Variants in TAFA2 observed in about 807,000 individuals in gnomAD.
The protein encoded by TAFA2 is TAFA chemokine like family member 2.
Under a neutral mutation model 18.8 loss-of-function variants are expected in TAFA2, and 7 were observed. That is an observed-to-expected ratio of 0.37 (90% CI 0.21 to 0.70). TAFA2 has a LOEUF of 0.70. Ranked by LOEUF, TAFA2 falls within the 30% of genes least tolerant of loss-of-function variation. The pLI, the probability that TAFA2 is intolerant of heterozygous loss-of-function variation, is 0.53. For missense variants in TAFA2, 122 were observed against 158.1 expected (o/e 0.77, Z 1.23); for synonymous variants, 60 against 54.2 (o/e 1.11, Z -0.47).
intron 2 of TAFA2, among the ~76,000 whole-genome samples, chr12:61,830,937 T>C (rs1872699704): frequency 6.6e-6 from 1 of 152,074 alleles, no homozygotes; most frequent in South Asian, 2.1e-4. Context: ...TTTTTACAAC[T>C]AAACAAGCAT....
chr12:61,730,408 G>C (rs1010202443), intron 4 of TAFA2, among the ~76,000 whole-genome samples: 1 of 152,110 alleles, frequency 6.6e-6, no homozygotes. Context: ...GGAGACAGAA[G>C]CTTGCCCTCA....
rs188959213 is a variant in TAFA2, at chr12:61,726,355, C to T, written c.385-15938G>A. Among the ~76,000 whole-genome samples the T allele has an allele frequency of 3.6e-3, 545 of 152,100 alleles. 1 individual carries two copies. The highest frequency in any genetic ancestry group is 0.012 in the African/African-American group (496 of 41,524). On this transcript the variant is annotated intron_variant, in intron 4 of 4. Coordinates refer to ENST00000416284, the MANE Select transcript of TAFA2 (RefSeq NM_178539.5). Reference sequence around the variant, plus strand: ...GCTTATTTTCACAATATTGATTCTACCCATCCATGAGCATGAGATGAGTTT... The same window carrying T: ...GCTTATTTTCACAATATTGATTCTATCCATCCATGAGCATGAGATGAGTTT...
chr12:61,909,417 A>G (rs183452449), intron 1 of TAFA2, among the ~76,000 whole-genome samples: 1 of 152,344 alleles, frequency 6.6e-6, no homozygotes, highest in East Asian at 1.9e-4. Context: ...ACTTATCATC[A>G]TATGGGAAAA....
chr12:61,762,148 T>C (rs1291601072), intron 2 of TAFA2, among the ~76,000 whole-genome samples: 2 of 152,070 alleles, frequency 1.3e-5, no homozygotes, highest in Non-Finnish European at 2.9e-5. Context: ...TTAAACCTCT[T>C]TTCTTTATAA....
intron 1 of TAFA2, among the ~76,000 whole-genome samples, chr12:61,932,205 G>A (rs566562020): frequency 9.2e-5 from 14 of 152,144 alleles, no homozygotes; most frequent in Admixed American, 3.3e-4. Flanking sequence ...TCTCCAAAAC[G>A]TCACCACAAA....
chr12:61,789,262 T>C (rs1220173044), intron 2 of TAFA2, among the ~76,000 whole-genome samples: 1 of 151,920 alleles, frequency 6.6e-6, no homozygotes, highest in Non-Finnish European at 1.5e-5. Context: ...CTTCTAGGGA[T>C]TTTACAGTTT....
At chr12:61,840,963 T>C (rs1873147421) in intron 2 of TAFA2, among the ~76,000 whole-genome samples, 3 of 152,176 alleles carry the variant, frequency 2.0e-5, no homozygotes, top group African/African-American at 7.2e-5. Flanking sequence ...AAGATCCCAG[T>C]TGTAAAAGAA....
At chr12:62,143,386 G>C (rs993350381) in intron 1 of TAFA2, among the ~76,000 whole-genome samples, 5 of 152,232 alleles carry the variant, frequency 3.3e-5, no homozygotes, top group African/African-American at 1.2e-4. Context: ...GATCTACAAA[G>C]TAATCAGTAT....
intron 1 of TAFA2, among the ~76,000 whole-genome samples, chr12:61,958,232 TA>T (rs1397609469): frequency 3.9e-5 from 6 of 152,144 alleles, no homozygotes; most frequent in Non-Finnish European, 8.8e-5. Flanking sequence ...ATATCCAGTA[TA>T]GCTCTAACAT....
At chr12:62,047,760 C>A (rs908856186) in intron 1 of TAFA2, among the ~76,000 whole-genome samples, 3 of 152,046 alleles carry the variant, frequency 2.0e-5, no homozygotes, top group Non-Finnish European at 2.9e-5. Context: ...TTAAGAATAA[C>A]CTTTTGTGCC....
At chr12:61,896,864 C>A (rs1030618082) in intron 1 of TAFA2, among the ~76,000 whole-genome samples, 2 of 152,024 alleles carry the variant, frequency 1.3e-5, no homozygotes, top group Non-Finnish European at 2.9e-5. Context: ...TGTTTCCTTT[C>A]TTTTGCCTGC....
chr12:62,200,087 A>G (rs2062664935), intron 1 of TAFA2, among the ~76,000 whole-genome samples: 1 of 152,040 alleles, frequency 6.6e-6, no homozygotes, highest in African/African-American at 2.4e-5. Flanking sequence ...TCCTTTGCCC[A>G]CTTTTTAATA....
intron 1 of TAFA2, among the ~76,000 whole-genome samples, chr12:62,144,265 C>A (rs1180270856): frequency 6.6e-6 from 1 of 151,896 alleles, no homozygotes; most frequent in African/African-American, 2.4e-5. Flanking sequence ...CATCTCTGTC[C>A]AAAATTATGC....
In TAFA2 at chr12:61,745,475, G is replaced by A. The variant is rs1051175426; in HGVS notation, c.384+8147C>T. On this transcript the variant is annotated intron_variant, in intron 4 of 4. Transcript: ENST00000416284. ...GATAGCTTGTCCTCCATTTAGCCATGTAGCTCATGCCCTCACCTCCCAAGA... is the reference window on the plus strand; with the variant it reads ...GATAGCTTGTCCTCCATTTAGCCATATAGCTCATGCCCTCACCTCCCAAGA... Among the ~76,000 whole-genome samples, 4 of 152,054 alleles carry A rather than the reference G, an allele frequency of 2.6e-5. No individual in the cohort carries two copies. The South Asian group carries it at 8.3e-4, about 32-fold the overall frequency.
chr12:62,027,619 G>A (rs189954489), intron 1 of TAFA2, among the ~76,000 whole-genome samples: 4 of 152,244 alleles, frequency 2.6e-5, no homozygotes, highest in Admixed American at 2.6e-4. Flanking sequence ...CACAGAGTAA[G>A]TTGTACCCCC....
intron 1 of TAFA2, among the ~76,000 whole-genome samples, chr12:62,216,568 G>C (rs1228394742): frequency 6.6e-6 from 1 of 152,192 alleles, no homozygotes; most frequent in Non-Finnish European, 1.5e-5. Context: ...GATCAGAAAA[G>C]TAGTTCCAAC....
chr12:62,069,964 C>T (rs892173495), intron 1 of TAFA2, among the ~76,000 whole-genome samples: 1 of 152,160 alleles, frequency 6.6e-6, no homozygotes, highest in African/African-American at 2.4e-5. Context: ...TTCCTGAAGA[C>T]ATTTATACAC....
chr12:62,217,243 A>G (rs7314968), intron 1 of TAFA2, among the ~76,000 whole-genome samples: 47,317 of 152,134 alleles, frequency 0.31, 8,191 homozygotes, highest in African/African-American at 0.47. Flanking sequence ...CATATGATCC[A>G]GCAGACCTTT....
intron 2 of TAFA2, among the ~76,000 whole-genome samples, chr12:61,803,892 A>T (rs1002532849): frequency 6.6e-6 from 1 of 152,006 alleles, no homozygotes; most frequent in Non-Finnish European, 1.5e-5. Context: ...GTATAATTTT[A>T]AAAAAATGAC....
Sources: allele counts gnomAD v4.1 joint callset (sites outside exome capture counted in the v4.1 genomes callset), GRCh38; gene constraint gnomAD v4.1.1; transcripts MANE v1.5; gene names NCBI Gene and HGNC (gene_info 2026-07-23, HGNC 2026-07-21).